Variants in CSMD3 observed in about 807,000 individuals in gnomAD.
CSMD3 encodes CUB and sushi domain-containing protein 3.
In CSMD3, 177 loss-of-function variants were observed where a neutral mutation model predicts 435.2. The ratio of observed to expected loss-of-function variants is 0.41; its 90% CI spans 0.36 to 0.46. The LOEUF (loss-of-function observed/expected upper bound fraction) is 0.46, where lower values mean the gene tolerates loss of function less well. Ranked by LOEUF, CSMD3 falls within the 20% of genes least tolerant of loss-of-function variation. The pLI is 0.34. For missense variants in CSMD3, 4,265 were observed against 4,504.6 expected (o/e 0.95, Z 1.52); for synonymous variants, 1,656 against 1,520.5 (o/e 1.09, Z -2.07).
At chr8:112,396,436 C>T (rs1187662360) in intron 35 of CSMD3, among the ~76,000 whole-genome samples, 4 of 152,114 alleles carry the variant, frequency 2.6e-5, no homozygotes, top group African/African-American at 4.8e-5. Flanking sequence ...AAATCTTTTG[C>T]TTGTGTTTTA....
chr8:112,759,254 T>C (rs990880063), intron 13 of CSMD3, among the ~76,000 whole-genome samples: 1 of 152,152 alleles, frequency 6.6e-6, no homozygotes, highest in Non-Finnish European at 1.5e-5. Context: ...TTTCCAATTA[T>C]ATTAAGTGAT....
chr8:112,726,138 G>A (rs759063824), intron 13 of CSMD3, among the ~76,000 whole-genome samples: 7 of 151,900 alleles, frequency 4.6e-5, no homozygotes, highest in Non-Finnish European at 1.0e-4. Context: ...AATATTAGGA[G>A]AACAGTATGT....
chr8:113,200,798 C>T (rs1413341974), intron 3 of CSMD3, among the ~76,000 whole-genome samples: 3 of 151,342 alleles, frequency 2.0e-5, no homozygotes, highest in Non-Finnish European at 3.0e-5. Context: ...TTTTTAATAG[C>T]GTTTATGCAA....
At chr8:112,597,286 C>A (rs1311511792) in intron 22 of CSMD3, among the ~76,000 whole-genome samples, 1 of 152,100 alleles carries the variant, frequency 6.6e-6, no homozygotes, top group African/African-American at 2.4e-5. Flanking sequence ...ATAAATTCCT[C>A]AACATATACA....
chr8:113,154,930 A>C (rs1246503859), intron 4 of CSMD3, among the ~76,000 whole-genome samples: 1 of 151,958 alleles, frequency 6.6e-6, no homozygotes. Context: ...TTTGTGTCCT[A>C]ATGATCAGGA....
rs1352968009 is a variant in CSMD3 at position 112,423,144 on chromosome 8, T to C, written c.5396-14112A>G. ...AAGACTTTCCTTTGATAGTTATTTT[T>C]TTTTTCTTTTCAGAAACAGTCTTAA... is the stretch of plus-strand genomic sequence containing the variant. On this transcript the variant is annotated intron_variant, in intron 32 of 70. Coordinates refer to ENST00000297405, the MANE Select transcript of CSMD3 (RefSeq NM_198123.2). 3.9e-5 allele frequency among the ~76,000 whole-genome samples: 6 copies of C among 152,206 alleles called. No homozygotes were observed. In the East Asian group the frequency reaches 9.6e-4, roughly 24 times the overall value.
intron 5 of CSMD3, among the ~76,000 whole-genome samples, chr8:113,077,464 G>A (rs1264052119): frequency 6.6e-6 from 1 of 152,134 alleles, no homozygotes; most frequent in Non-Finnish European, 1.5e-5. Context: ...CACTTTGGGA[G>A]GCCGAAACGG....
intron 27 of CSMD3, among the ~76,000 whole-genome samples, chr8:112,518,541 A>G (rs1208292174): frequency 6.6e-6 from 1 of 151,880 alleles, no homozygotes; most frequent in Non-Finnish European, 1.5e-5. Flanking sequence ...TAAATGGAGC[A>G]TCATGCATCA....
chr8:113,084,078 T>C (rs1310788165), intron 5 of CSMD3, among the ~76,000 whole-genome samples: 2 of 152,176 alleles, frequency 1.3e-5, no homozygotes, highest in African/African-American at 4.8e-5. Flanking sequence ...CTCTTTTCTC[T>C]TATAAAGTCA....
rs2129943418 is a variant in CSMD3, at chr8:112,234,432, A to T, written c.10673T>A (p.Leu3558His). The T allele has an allele frequency of 6.2e-7, 1 of 1,613,466 alleles. No homozygotes were observed. The highest frequency in any genetic ancestry group is 1.7e-4 in the Middle Eastern group (1 of 6,056). The change falls in exon 68 of 71, where the codon CTT becomes CAT. Residue 3558 changes from leucine (L) to histidine (H), a missense_variant. Physicochemically the swap from Leu to His is moderately conservative, Grantham distance 99. Transcript: ENST00000297405. ...QEARLMLRIYLIKVPAHASVK... is the reference protein window; with the variant it reads ...QEARLMLRIYHIKVPAHASVK... ...AGAAGCATGAGCAGGTACTTTAATAAGATATATGCGTAACATTAGGCGAGC... is the reference window on the plus strand; with the variant it reads ...AGAAGCATGAGCAGGTACTTTAATATGATATATGCGTAACATTAGGCGAGC...
chr8:112,416,623 T>C (rs777344418), intron 32 of CSMD3, among the ~76,000 whole-genome samples: 2 of 152,154 alleles, frequency 1.3e-5, no homozygotes, highest in Non-Finnish European at 1.5e-5. Flanking sequence ...TAGCAATTAA[T>C]TAACTTGAAA....
intron 41 of CSMD3, among the ~76,000 whole-genome samples, chr8:112,345,139 G>A (rs1430676909): frequency 6.6e-6 from 1 of 151,934 alleles, no homozygotes; most frequent in African/African-American, 2.4e-5. Context: ...ACTGTTGGTG[G>A]GAATAAATAT....
intron 22 of CSMD3, among the ~76,000 whole-genome samples, chr8:112,598,325 C>A (rs958549473): frequency 2.0e-5 from 3 of 150,504 alleles, no homozygotes; most frequent in African/African-American, 7.4e-5. Context: ...TGGGAAGGAC[C>A]TCTTCAAGGA....
At chr8:112,535,597 C>G (rs1162535071) in intron 27 of CSMD3, among the ~76,000 whole-genome samples, 2 of 151,820 alleles carry the variant, frequency 1.3e-5, no homozygotes, top group East Asian at 3.9e-4. Flanking sequence ...CCATAGTGCC[C>G]AAGGTAATTT....
At chr8:112,789,421 A>C (rs1164673892) in intron 13 of CSMD3, among the ~76,000 whole-genome samples, 5 of 152,072 alleles carry the variant, frequency 3.3e-5, no homozygotes, top group African/African-American at 1.2e-4. Flanking sequence ...TCCTTACAGC[A>C]AACACTAAAT....
At position 112,929,290 on chromosome 8, in the gene CSMD3, G is replaced by A. The variant is rs868610916; in HGVS notation, c.1509-7539C>T. Reference sequence around the variant, plus strand: ...ATACCTAATGCTAGATGACGAGTTAGTGGGTGCAGCACACCAGCATGGCAC... The same window carrying A: ...ATACCTAATGCTAGATGACGAGTTAATGGGTGCAGCACACCAGCATGGCAC... On this transcript the variant is annotated intron_variant, in intron 9 of 70. Transcript: ENST00000297405. 7.3e-5 allele frequency among the ~76,000 whole-genome samples: 11 copies of A among 150,244 alleles called. No individual in the cohort carries two copies. In the South Asian group the frequency reaches 1.7e-3, roughly 23 times the overall value.
chr8:112,811,536 C>G (rs1400532130), intron 12 of CSMD3, among the ~76,000 whole-genome samples: 2 of 152,042 alleles, frequency 1.3e-5, no homozygotes, highest in Non-Finnish European at 2.9e-5. Flanking sequence ...AGCCTAGGCA[C>G]TTGGCTCCAT....
At chr8:112,873,298 A>G (rs1246025154) in intron 10 of CSMD3, among the ~76,000 whole-genome samples, 2 of 151,902 alleles carry the variant, frequency 1.3e-5, no homozygotes, top group Non-Finnish European at 2.9e-5. Flanking sequence ...GACCTCCCCA[A>G]AATTTAAAAT....
chr8:112,924,669 T>C lies in CSMD3; in HGVS notation c.1509-2918A>G, dbSNP rs149053098. Among the ~76,000 whole-genome samples, 847 of 151,996 alleles carry C rather than the reference T, an allele frequency of 5.6e-3. 12 individuals carry two copies. The highest frequency in any genetic ancestry group is 0.02 in the African/African-American group (817 of 41,516). Reference sequence around the variant, plus strand: ...ACTGTTTTGCTACTATACTAAAGATTACCAGTAATGGTCTCTGAAGCTTCT... The same window carrying C: ...ACTGTTTTGCTACTATACTAAAGATCACCAGTAATGGTCTCTGAAGCTTCT... On this transcript the variant is annotated intron_variant, in intron 9 of 70. Transcript: ENST00000297405.
Sources: allele counts gnomAD v4.1 joint callset (sites outside exome capture counted in the v4.1 genomes callset), GRCh38; gene constraint gnomAD v4.1.1; transcripts MANE v1.5; gene names NCBI Gene and HGNC (gene_info 2026-07-23, HGNC 2026-07-21).